PDE8A: variants seen among roughly 807,000 people sequenced by gnomAD.
PDE8A encodes the protein high affinity cAMP-specific and IBMX-insensitive 3',5'-cyclic phosphodiesterase 8A.
PDE8A carries 59 observed loss-of-function variants against 105.0 expected under a neutral mutation model. The observed-to-expected ratio is 0.56, with a 90% CI of 0.46 to 0.70. The LOEUF is 0.70. PDE8A is among the 30% of genes least tolerant of loss of function. PDE8A has a pLI of 0.00. For missense variants in PDE8A, 1,014 were observed against 1,045.9 expected, an observed-to-expected ratio of 0.97 and a Z score of 0.42; for synonymous variants, 355 against 371.9, an observed-to-expected ratio of 0.95 and a Z score of 0.52.
At chr15:85,046,652 T>A (rs553016236) in intron 1 of PDE8A, among the ~76,000 whole-genome samples, 1 of 152,262 alleles carries the variant, frequency 6.6e-6, no homozygotes, top group African/African-American at 2.4e-5. Context: ...GATAATAAAA[T>A]ATGTAGTATA....
chr15:85,008,601 C>T (rs2080187710), intron 1 of PDE8A, among the ~76,000 whole-genome samples: 1 of 152,102 alleles, frequency 6.6e-6, no homozygotes, highest in Non-Finnish European at 1.5e-5. Context: ...TATACCTTAT[C>T]CTGGCTACCT....
intron 2 of PDE8A, among the ~76,000 whole-genome samples, chr15:85,065,308 A>G (rs1274516913): frequency 1.1e-4 from 14 of 131,390 alleles, no homozygotes; most frequent in African/African-American, 4.1e-4. Flanking sequence ...CAGGAAGGGG[A>G]ATATCACACT....
At chr15:85,040,181 G>A (rs1022684438) in intron 1 of PDE8A, among the ~76,000 whole-genome samples, 6 of 151,924 alleles carry the variant, frequency 3.9e-5, no homozygotes, top group East Asian at 3.9e-4. Context: ...GATGGTGTGC[G>A]CCTATAGTCC....
In PDE8A at chr15:85,076,757, A is replaced by T. The variant is rs1038757393; in HGVS notation, c.516A>T (p.Val172=). Residue 172 remains valine (V), a synonymous_variant, in exon 5 of 22, where the codon GTA becomes GTT. Coordinates refer to ENST00000394553, the MANE Select transcript of PDE8A (RefSeq NM_002605.3). The stretch of plus-strand genomic sequence containing the variant: ...GGGTGGATAGAGAAGAGTTGTCCGT[A>T]ATGCCTTTCATTTCTGCTGGATTTA... ...VRRVDREELS[V]MPFISAGFTR... The T allele has an allele frequency of 1.3e-6, 2 of 1,597,596 alleles. No individual in the cohort carries two copies. Among genetic ancestry groups the T allele is most frequent in the African/African-American group, 2.7e-5 (2 of 74,560 alleles).
chr15:85,127,435 A>G (rs1466194392), intron 20 of PDE8A, among the ~76,000 whole-genome samples: 1 of 152,192 alleles, frequency 6.6e-6, no homozygotes, highest in Admixed American at 6.5e-5. Context: ...GAATATACAA[A>G]CAATTATTAG....
intron 1 of PDE8A, chr15:85,062,909 G>C (rs1050364519): frequency 2.0e-5 from 3 of 152,180 alleles, no homozygotes; most frequent in Non-Finnish European, 4.4e-5. Context: ...ACTCTCCTGT[G>C]GACCTCTTGG....
chr15:84,987,465 C>CTTTTTT (rs10656480), intron 1 of PDE8A, among the ~76,000 whole-genome samples: 2 of 92,440 alleles, frequency 2.2e-5, no homozygotes, highest in South Asian at 3.8e-4. Context: ...GGATTGGTTC[C>CTTTTTT]TTTTTTTTTT....
At chr15:85,024,230 A>G (rs371641764) in intron 1 of PDE8A, among the ~76,000 whole-genome samples, 2 of 116,616 alleles carry the variant, frequency 1.7e-5, no homozygotes, top group African/African-American at 5.1e-5. Flanking sequence ...ATACCATATC[A>G]TCGTCTGCTG....
intron 11 of PDE8A, among the ~76,000 whole-genome samples, chr15:85,106,746 A>G (rs1463225100): frequency 1.3e-5 from 2 of 152,168 alleles, no homozygotes; most frequent in East Asian, 3.8e-4. Context: ...GGAAACAGTG[A>G]GAGATGAAAG....
chr15:85,104,735 G>C (rs145898915), intron 11 of PDE8A, among the ~76,000 whole-genome samples: 1 of 152,254 alleles, frequency 6.6e-6, no homozygotes, highest in Non-Finnish European at 1.5e-5. Context: ...AGTAAGTTTA[G>C]ATTTGAACTT....
intron 17 of PDE8A, among the ~76,000 whole-genome samples, chr15:85,119,244 C>G (rs2082142274): frequency 6.6e-6 from 1 of 151,544 alleles, no homozygotes; most frequent in Non-Finnish European, 1.5e-5. Flanking sequence ...TTTGGGATAC[C>G]AAGGCAGATG....
intron 1 of PDE8A, among the ~76,000 whole-genome samples, chr15:85,035,061 G>A (rs1261044953): frequency 6.6e-6 from 1 of 152,144 alleles, no homozygotes; most frequent in Non-Finnish European, 1.5e-5. Context: ...ATAAATGGGA[G>A]TTGGGGTTAC....
At position 85,113,535 on chromosome 15, in the gene PDE8A, C is replaced by G. The variant is rs544463414; in HGVS notation, c.1185+88C>G. 3 of 1,122,840 alleles carry G rather than the reference C, an allele frequency of 2.7e-6. No homozygotes were observed. The East Asian group carries it at 7.0e-5, about 26-fold the overall frequency. The allele number at this position is 1,122,840 out of a possible 1,614,324, so 69.6% of individuals were successfully genotyped here. Reference sequence around the variant, plus strand: ...TTTCCAATGAGAAGAAACAGGGACCCGCAGTAATGAGCATGCTGTCATAGT... The same window carrying G: ...TTTCCAATGAGAAGAAACAGGGACCGGCAGTAATGAGCATGCTGTCATAGT... On this transcript the variant is annotated intron_variant, in intron 13 of 21. Coordinates refer to ENST00000394553, the MANE Select transcript of PDE8A (RefSeq NM_002605.3).
At chr15:85,129,793 A>C (rs2082305808) in intron 20 of PDE8A, among the ~76,000 whole-genome samples, 1 of 152,106 alleles carries the variant, frequency 6.6e-6, no homozygotes, top group African/African-American at 2.4e-5. Context: ...TTGATTTAAA[A>C]TCTTGTAGGC....
intron 8 of PDE8A, among the ~76,000 whole-genome samples, chr15:85,094,606 G>T (rs915140211): frequency 3.0e-4 from 45 of 152,248 alleles, no homozygotes; most frequent in African/African-American, 1.1e-3. Context: ...TCCAAATCCT[G>T]CTGTCTCTGC....
intron 1 of PDE8A, among the ~76,000 whole-genome samples, chr15:85,039,560 AC>A (rs767341313): frequency 4.5e-4 from 68 of 152,278 alleles, no homozygotes; most frequent in Middle Eastern, 6.8e-3. Flanking sequence ...TAAAAAAAAA[AC>A]TAAAAATAGA....
chr15:85,112,060 AAAG>A (rs746151101), intron 12 of PDE8A, among the ~76,000 whole-genome samples: 19 of 152,306 alleles, frequency 1.2e-4, no homozygotes, highest in Admixed American at 3.3e-4. Flanking sequence ...ACTCACTGTA[AAAG>A]AAGAGGAGTG....
chr15:85,130,549 G>A (rs1395209302), intron 20 of PDE8A, among the ~76,000 whole-genome samples: 1 of 152,234 alleles, frequency 6.6e-6, no homozygotes, highest in Admixed American at 6.5e-5. Flanking sequence ...CTCTACTGTT[G>A]TTGGGTGGAT....
intron 18 of PDE8A, among the ~76,000 whole-genome samples, chr15:85,121,720 A>G (rs35045545): frequency 0.14 from 21,115 of 152,080 alleles, 1,900 homozygotes; most frequent in Middle Eastern, 0.23. Context: ...AGTATATTCA[A>G]TTTTAGAATA....
Sources: gnomAD v4.1 joint callset for allele counts (sites outside exome capture counted in the v4.1 genomes callset) on GRCh38, gnomAD v4.1.1 for gene constraint, MANE v1.5 for transcripts, NCBI Gene and HGNC (gene_info 2026-07-23, HGNC 2026-07-21) for gene names.